The following SLC5A7 variants were observed in gnomAD, a reference collection of about 807,000 sequenced individuals.
SLC5A7 encodes solute carrier family 5 member 7, also known as high affinity choline transporter 1.
In SLC5A7, 19 loss-of-function variants were observed where a neutral mutation model predicts 55.4. The observed-to-expected ratio is 0.34, with a 90% CI of 0.24 to 0.50. The LOEUF (loss-of-function observed/expected upper bound fraction) is 0.50. SLC5A7 is among the 20% of genes least tolerant of loss of function. The pLI is 0.98. For synonymous variants in SLC5A7, 265 were observed against 263.7 expected (o/e 1.00, Z -0.05); for missense variants, 506 against 705.3 (o/e 0.72, Z 3.20).
chr2:107,993,503 T>C (rs1263027076), intron 4 of SLC5A7, among the ~76,000 whole-genome samples: 3 of 152,224 alleles, frequency 2.0e-5, no homozygotes, highest in African/African-American at 7.2e-5. Flanking sequence ...CAGGGGTTAG[T>C]GAGAATACTA....
At chr2:108,005,624 TCA>T (rs563071411) in intron 6 of SLC5A7, among the ~76,000 whole-genome samples, 1 of 152,228 alleles carries the variant, frequency 6.6e-6, no homozygotes, top group Non-Finnish European at 1.5e-5. Context: ...GATTTATTTT[TCA>T]CAGTTTTTCA....
chr2:108,009,719 C>T (rs774224997), intron 8 of SLC5A7, among the ~76,000 whole-genome samples: 5 of 152,120 alleles, frequency 3.3e-5, no homozygotes, highest in Non-Finnish European at 4.4e-5. Flanking sequence ...CACTGATGGG[C>T]ATTTGGGTTG....
intron 6 of SLC5A7, among the ~76,000 whole-genome samples, chr2:108,005,023 C>G (rs1678050050): frequency 6.6e-6 from 1 of 152,086 alleles, no homozygotes; most frequent in Non-Finnish European, 1.5e-5. Context: ...AAGCACATTC[C>G]AATATAGGTA....
intron 4 of SLC5A7, among the ~76,000 whole-genome samples, chr2:107,995,466 A>T (rs113749198): frequency 0.13 from 16,803 of 126,220 alleles, 948 homozygotes; most frequent in Middle Eastern, 0.2. Context: ...AGAGAGAGAG[A>T]GAGAGTGTGT....
Position 108,003,905 on chromosome 2 carries a change from G to A in SLC5A7, c.741+1865G>A, listed in dbSNP as rs559148096. On this transcript the variant is annotated intron_variant, in intron 6 of 8. Transcript: ENST00000264047. ...CAGACCAGGGTACCAGCATGATTAGGTTCTAAAGATGGCAGTATTCCAGGT... is the reference window on the plus strand; with the variant it reads ...CAGACCAGGGTACCAGCATGATTAGATTCTAAAGATGGCAGTATTCCAGGT... 7.9e-5 allele frequency among the ~76,000 whole-genome samples: 12 copies of A among 152,278 alleles called. No homozygotes were observed. In the East Asian group the frequency reaches 1.9e-3, roughly 25 times the overall value.
chr2:107,987,832 T>A (rs1677306180), intron 1 of SLC5A7, among the ~76,000 whole-genome samples: 1 of 152,256 alleles, frequency 6.6e-6, no homozygotes, highest in African/African-American at 2.4e-5. Context: ...AAAGCATGTA[T>A]GAAACACACA....
At chr2:107,996,630 GA>G (rs1677681358) in intron 4 of SLC5A7, among the ~76,000 whole-genome samples, 1 of 152,094 alleles carries the variant, frequency 6.6e-6, no homozygotes, top group Non-Finnish European at 1.5e-5. Flanking sequence ...GAACAATAGG[GA>G]AAAGGCTACT....
chr2:108,002,093 T>C (rs1677933332), intron 6 of SLC5A7, 53 bp downstream of exon 6: 2 of 1,574,460 alleles, frequency 1.3e-6, no homozygotes, highest in Non-Finnish European at 1.7e-6. Flanking sequence ...TGAAATCAAA[T>C]TTGTTTTCAC....
At chr2:107,992,058 T>C in intron 2 of SLC5A7, 48 bp from the exon 3 acceptor site, 1 of 1,215,438 alleles carries the variant, frequency 8.2e-7, no homozygotes, top group Non-Finnish European at 1.2e-6. Flanking sequence ...CAGATGTAGG[T>C]ATAACAGGTA....
chr2:108,001,750 C>CA (rs1677915322), intron 5 of SLC5A7, 147 bp from the exon 6 acceptor site: 8 of 678,666 alleles, frequency 1.2e-5, no homozygotes, highest in Non-Finnish European at 1.6e-5. Context: ...TGGTGCCCAA[C>CA]AAAAAACAGA....
chr2:107,992,550 C>T (rs1009445581), intron 3 of SLC5A7, among the ~76,000 whole-genome samples: 6 of 152,090 alleles, frequency 3.9e-5, no homozygotes, highest in Non-Finnish European at 7.4e-5. Flanking sequence ...ACCTGTGTTT[C>T]TTTTAGCAAG....
At chr2:107,998,316 T>C (rs1333213357) in intron 5 of SLC5A7, among the ~76,000 whole-genome samples, 1 of 152,170 alleles carries the variant, frequency 6.6e-6, no homozygotes, top group Non-Finnish European at 1.5e-5. Context: ...ATAACAAAAT[T>C]CAAACCTTAG....
At chr2:107,993,959 T>G (rs187375480) in intron 4 of SLC5A7, among the ~76,000 whole-genome samples, 127 of 152,328 alleles carry the variant, frequency 8.3e-4, no homozygotes, top group African/African-American at 2.7e-3. Context: ...TATGGTAGAA[T>G]ATAACAAGAA....
intron 8 of SLC5A7, 151 bp from the exon 9 acceptor site, chr2:108,010,081 C>A: frequency 1.1e-6 from 1 of 880,488 alleles, no homozygotes; most frequent in Non-Finnish European, 1.7e-6. Context: ...GCTTTGGGTG[C>A]TGTAGCTGTA....
At chr2:107,993,764 CAT>C (rs1323268154) in intron 4 of SLC5A7, among the ~76,000 whole-genome samples, 2 of 152,112 alleles carry the variant, frequency 1.3e-5, no homozygotes, top group African/African-American at 4.8e-5. Flanking sequence ...TAATTAAAAA[CAT>C]ATATAAAACA....
chr2:107,993,926 G>A (rs1677553283), intron 4 of SLC5A7, among the ~76,000 whole-genome samples: 1 of 152,160 alleles, frequency 6.6e-6, no homozygotes, highest in African/African-American at 2.4e-5. Flanking sequence ...CAATGTTACG[G>A]TTTAGTAGTG....
rs1177599655 is a variant in SLC5A7 at position 107,992,163 on chromosome 2, G to A, written c.236G>A (p.Gly79Asp). The change falls in exon 3 of 9, where the codon GGT becomes GAT. Residue 79 changes from glycine to aspartate, a missense_variant. Physicochemically the swap from Gly to Asp is moderately conservative, Grantham distance 94 (BLOSUM62 -1). This residue lies in a region of SLC5A7 where 309 missense variants were observed against 478.6 expected (regional missense o/e 0.65). Coordinates refer to ENST00000264047, the MANE Select transcript of SLC5A7 (RefSeq NM_021815.5). Reference protein sequence around the residue: ...NGTAEAVYVPGYGLAWAQAPI... With the variant: ...NGTAEAVYVPDYGLAWAQAPI... ...ACAGCTGAAGCAGTTTATGTACCAG[G>A]TTATGGCCTAGCTTGGGCTCAGGCA... is the stretch of plus-strand genomic sequence containing the variant. 2 of 1,613,842 alleles carry A rather than the reference G, an allele frequency of 1.2e-6. No individual in the cohort carries two copies. Among genetic ancestry groups the A allele is most frequent in the East Asian group, 2.2e-5 (1 of 44,862 alleles).
At position 108,010,803 on chromosome 2, in the gene SLC5A7, C is replaced by G. The variant is rs776388070; in HGVS notation, c.1685C>G (p.Ala562Gly). The G allele has an allele frequency of 7.4e-6, 12 of 1,612,028 alleles. No homozygotes were observed. Among genetic ancestry groups the G allele is most frequent in the East Asian group, 2.2e-5 (1 of 44,868 alleles). The change falls in exon 9 of 9, where the codon GCC becomes GGC. Residue 562 changes from alanine (A) to glycine (G), a missense_variant. Coordinates refer to ENST00000264047, the MANE Select transcript of SLC5A7 (RefSeq NM_021815.5). ...AGCTCAACTTTCACCAATAAAGAGG[C>G]CTTCCTTGATGTTGATTCCAGTCCA... ...TLSSTFTNKE[A>G]FLDVDSSPEG...
At chr2:107,992,709 A>AT (rs1222941833) in intron 3 of SLC5A7, among the ~76,000 whole-genome samples, 1 of 152,186 alleles carries the variant, frequency 6.6e-6, no homozygotes, top group Non-Finnish European at 1.5e-5. Context: ...TAAGTGAGCA[A>AT]TGTGCTGGTT....
Sources: allele counts gnomAD v4.1 joint callset (sites outside exome capture counted in the v4.1 genomes callset), GRCh38; gene constraint gnomAD v4.1.1; regional missense constraint gnomAD v4.1.1; transcripts MANE v1.5; gene names NCBI Gene and HGNC (gene_info 2026-07-23, HGNC 2026-07-21).